The following FGD1 variants were observed in gnomAD, a reference collection of about 807,000 sequenced individuals.
FGD1 encodes the protein FYVE, RhoGEF and PH domain-containing protein 1.
Under a neutral mutation model 65.0 loss-of-function variants are expected in FGD1, and 12 were observed. The observed-to-expected ratio is 0.18, with a 90% CI of 0.12 to 0.30. The LOEUF (loss-of-function observed/expected upper bound fraction) is 0.30, where lower values mean the gene tolerates loss of function less well. Among genes scored for constraint, FGD1 ranks in the 10% least tolerant of loss-of-function variants. The pLI, the probability that FGD1 is intolerant of heterozygous loss-of-function variation, is 1.00. For missense variants in FGD1, 542 were observed against 837.6 expected (o/e 0.65, Z 4.36); for synonymous variants, 333 against 343.9 (o/e 0.97, Z 0.35).
rs776282811 is a variant in FGD1 at position 54,470,285 on chromosome X, C to T, written c.832G>A (p.Val278Met). 8.3e-7 allele frequency: 1 copy of T among 1,206,310 alleles called. No homozygotes were observed. Among genetic ancestry groups the T allele is most frequent in the Non-Finnish European group, 1.1e-6 (1 of 892,877 alleles). ...TCAATGCCGCTGTCCCGGTTGGGCACCTTCTCACCGTCCCGGGGCCCAGGA... is the reference window on the plus strand; with the variant it reads ...TCAATGCCGCTGTCCCGGTTGGGCATCTTCTCACCGTCCCGGGGCCCAGGA... ...LAPGPRDGEK[V>M]PNRDSGIDSI... is the part of the protein sequence containing the mutation. Residue 278 changes from valine to methionine, a missense_variant, in exon 4 of 18, where the codon GTG becomes ATG. Val to Met is a conservative substitution (Grantham distance 21). Coordinates refer to ENST00000375135, the MANE Select transcript of FGD1 (RefSeq NM_004463.3).
At chrX:54,494,402 CTTTTTTT>C (rs56235590) in intron 1 of FGD1, among the ~76,000 whole-genome samples, 134 of 60,724 alleles carry the variant, frequency 2.2e-3, no homozygotes, top group Non-Finnish European at 3.0e-3. Flanking sequence ...CACCGTCTTT[CTTTTTTT>C]TTTTTTTTTT....
chrX:54,469,978 C>T, intron 4 of FGD1, 38 bp downstream of exon 4: 2 of 1,173,659 alleles, frequency 1.7e-6, no homozygotes, highest in Non-Finnish European at 1.2e-6. Flanking sequence ...TCCAGGTTCT[C>T]CACATGGACC....
chrX:54,449,115 A>G (rs759432830), intron 15 of FGD1, 28 bp downstream of exon 15: 2 of 1,211,242 alleles, frequency 1.7e-6, no homozygotes, highest in Non-Finnish European at 2.2e-6. Flanking sequence ...TCCCCTCCCT[A>G]GCTCTGCCCC....
intron 8 of FGD1, among the ~76,000 whole-genome samples, chrX:54,462,269 T>C (rs1922653208): frequency 9.0e-6 from 1 of 111,360 alleles, no homozygotes; most frequent in Admixed American, 9.6e-5. Context: ...TTAAACTTTC[T>C]AGAGGCCTAG....
At position 54,467,759 on chromosome X, in the gene FGD1, G is replaced by A. The variant is rs747682717; in HGVS notation, c.1340+25C>T. ...GGCAGGCAGGTGGACAGGGGAGTGG[G>A]CAGTCTAGGTCTAGGGCCCCTCACC... On this transcript the variant is annotated intron_variant, in intron 6 of 17. Coordinates refer to ENST00000375135, the MANE Select transcript of FGD1 (RefSeq NM_004463.3). The A allele has an allele frequency of 3.4e-6, 4 of 1,165,776 alleles. No homozygotes were observed. The East Asian group carries it at 9.7e-5, about 28-fold the overall frequency.
rs1923383277 is a variant in FGD1, at chrX:54,490,199, G to C, written c.307+4927C>G. On this transcript the variant is annotated intron_variant, in intron 1 of 17. Coordinates refer to ENST00000375135, the MANE Select transcript of FGD1 (RefSeq NM_004463.3). ...GCCTATTTGAGGGTGGAGGGAGGGA[G>C]GAGGGTAAGGATCGAAAAACTACCT... Among the ~76,000 whole-genome samples the C allele has an allele frequency of 3.6e-5, 4 of 111,456 alleles. No homozygotes were observed. In the Admixed American group the frequency reaches 3.8e-4, roughly 11 times the overall value.
Position 54,456,212 on chromosome X carries a change from G to A in FGD1, c.1842+8C>T, listed in dbSNP as rs1922499904. The A allele has an allele frequency of 1.7e-6, 2 of 1,210,406 alleles. No individual in the cohort carries two copies. Among genetic ancestry groups the A allele is most frequent in the Non-Finnish European group, 2.2e-6 (2 of 894,844 alleles). ...TGACCCACCCACAATTCCATGCCTGGCACTTACTAGTATGAGGTATCGGTC... is the reference window on the plus strand; with the variant it reads ...TGACCCACCCACAATTCCATGCCTGACACTTACTAGTATGAGGTATCGGTC... On this transcript the variant is annotated splice_region_variant and intron_variant, in intron 10 of 17. Transcript: ENST00000375135.
rs561885120 is a variant in FGD1 at position 54,492,614 on chromosome X, C to T, written c.307+2512G>A. On this transcript the variant is annotated intron_variant, in intron 1 of 17. Transcript: ENST00000375135. ...TCTCACAACCCATGCTGCAGTGAAT[C>T]ACATGGCCCGGCGCCCGCCTAGTCA... Among the ~76,000 whole-genome samples, 202 of 112,536 alleles carry T rather than the reference C, an allele frequency of 1.8e-3. 1 individual carries two copies. The Middle Eastern group carries it at 0.023, about 13-fold the overall frequency.
intron 8 of FGD1, among the ~76,000 whole-genome samples, chrX:54,459,904 C>G (rs1477650345): frequency 3.6e-5 from 4 of 109,754 alleles, no homozygotes; most frequent in Non-Finnish European, 7.6e-5. Context: ...TTCTTCAACT[C>G]AGGCTGCTCT....
At chrX:54,459,645 C>T (rs199737282) in intron 8 of FGD1, among the ~76,000 whole-genome samples, 1 of 111,307 alleles carries the variant, frequency 9.0e-6, no homozygotes, top group Non-Finnish European at 1.9e-5. Flanking sequence ...GCTCAGCTTA[C>T]GATCTTGGGC....
chrX:54,494,402 C>CATT (rs1923479165), intron 1 of FGD1, among the ~76,000 whole-genome samples: 1 of 60,728 alleles, frequency 1.6e-5, no homozygotes, highest in African/African-American at 7.2e-5. Flanking sequence ...CACCGTCTTT[C>CATT]TTTTTTTTTT....
intron 13 of FGD1, 64 bp from the exon 14 acceptor site, chrX:54,449,824 G>C: frequency 1.2e-6 from 1 of 809,024 alleles, no homozygotes; most frequent in South Asian, 2.1e-5. Context: ...TTCTACCCTC[G>C]CCTCACCTTC....
Position 54,471,356 on chromosome X carries a change from G to A in FGD1, c.439C>T (p.Arg147Cys), listed in dbSNP as rs1407732553. 4 of 1,209,667 alleles carry A rather than the reference G, an allele frequency of 3.3e-6. No individual in the cohort carries two copies. Among genetic ancestry groups the A allele is most frequent in the African/African-American group, 3.5e-5 (2 of 57,373 alleles). The change falls in exon 2 of 18, where the codon CGT becomes TGT. Residue 147 changes from arginine to cysteine, a missense_variant. By Grantham distance (180) the Arg-to-Cys change is radical (BLOSUM62 -3). Transcript: ENST00000375135. ...PGPPTETPSQ[R>C]PSPLKRAPGP... ...GGTGCCCGCTTCAGTGGTGAAGGAC[G>A]CTGGCTAGGGGTTTCAGTCGGGGGA... is the stretch of plus-strand genomic sequence containing the variant.
chrX:54,448,572 G>A (rs1436410892), intron 16 of FGD1, among the ~76,000 whole-genome samples: 4 of 112,333 alleles, frequency 3.6e-5, no homozygotes, highest in Non-Finnish European at 5.6e-5. Flanking sequence ...CAGTTTCCTC[G>A]TTTGTAAAAT....
chrX:54,448,708 C>A, intron 16 of FGD1, 98 bp downstream of exon 16: 1 of 922,898 alleles, frequency 1.1e-6, no homozygotes. Flanking sequence ...CCCTTGATCA[C>A]TACTGTTTCC....
chrX:54,471,568 C>T, intron 1 of FGD1, 81 bp from the exon 2 acceptor site: 1 of 936,384 alleles, frequency 1.1e-6, no homozygotes, highest in Non-Finnish European at 1.5e-6. Flanking sequence ...ACTGGCATGT[C>T]TTAGCAGCTA....
chrX:54,464,037 A>G (rs752241198), intron 8 of FGD1, among the ~76,000 whole-genome samples: 4 of 109,086 alleles, frequency 3.7e-5, no homozygotes, highest in East Asian at 5.7e-4. Flanking sequence ...TCACAGCTCA[A>G]TGCAACCTCT....
chrX:54,474,508 GC>G (rs1569541307), intron 1 of FGD1, among the ~76,000 whole-genome samples: 1 of 112,611 alleles, frequency 8.9e-6, no homozygotes, highest in Non-Finnish European at 1.9e-5. Flanking sequence ...CAGGCCGAGC[GC>G]CCCTCCCCAA....
At chrX:54,449,606 T>C (rs1922328568) in intron 14 of FGD1, 53 bp downstream of exon 14, 2 of 849,431 alleles carry the variant, frequency 2.4e-6, no homozygotes, top group Non-Finnish European at 3.5e-6. Context: ...AGGTGGGCAT[T>C]TGGAAGTCTG....
Sources: allele counts gnomAD v4.1 joint callset (sites outside exome capture counted in the v4.1 genomes callset), GRCh38; gene constraint gnomAD v4.1.1; transcripts MANE v1.5; gene names NCBI Gene and HGNC (gene_info 2026-07-23, HGNC 2026-07-21).